Variants in KIF26B observed in about 807,000 individuals in gnomAD.
KIF26B encodes the protein kinesin-like protein KIF26B.
A neutral mutation model predicts 151.2 loss-of-function variants in KIF26B; 63 were observed. The ratio of observed to expected loss-of-function variants is 0.42; its 90% CI spans 0.34 to 0.51. The LOEUF (loss-of-function observed/expected upper bound fraction) is 0.51. Among genes scored for constraint, KIF26B ranks in the 20% least tolerant of loss-of-function variants. The pLI, the probability that KIF26B is intolerant of heterozygous loss-of-function variation, is 0.07. For synonymous variants in KIF26B, 1,357 were observed against 1,262.1 expected (o/e 1.08, Z -1.59); for missense variants, 2,813 against 2,913.6 (o/e 0.97, Z 0.79).
At chr1:245,298,361 C>T (rs1304847444) in intron 2 of KIF26B, among the ~76,000 whole-genome samples, 6 of 152,120 alleles carry the variant, frequency 3.9e-5, no homozygotes, top group Non-Finnish European at 7.3e-5. Context: ...CGTGCTATAG[C>T]GGTAACATGA....
At chr1:245,273,347 A>G (rs1670884031) in intron 2 of KIF26B, among the ~76,000 whole-genome samples, 1 of 151,410 alleles carries the variant, frequency 6.6e-6, no homozygotes, top group Non-Finnish European at 1.5e-5. Context: ...GAACCCAGGC[A>G]GCAGAGTTTG....
chr1:245,608,874 C>T (rs2043486452), intron 7 of KIF26B, among the ~76,000 whole-genome samples: 1 of 152,080 alleles, frequency 6.6e-6, no homozygotes, highest in Non-Finnish European at 1.5e-5. Flanking sequence ...GCCTCAGCTT[C>T]CCAAGTAGCT....
chr1:245,437,282 G>A (rs911529853), intron 4 of KIF26B, among the ~76,000 whole-genome samples: 4 of 152,138 alleles, frequency 2.6e-5, no homozygotes, highest in African/African-American at 7.2e-5. Flanking sequence ...CCGAGCTCCC[G>A]TGTTCCATCC....
chr1:245,585,888 A>G (rs551077750), intron 5 of KIF26B, among the ~76,000 whole-genome samples: 1 of 152,370 alleles, frequency 6.6e-6, no homozygotes, highest in South Asian at 2.1e-4. Context: ...CAATCCCTGC[A>G]GAAAACTCAT....
chr1:245,204,462 C>T (rs1056753757), intron 2 of KIF26B, among the ~76,000 whole-genome samples: 5 of 151,768 alleles, frequency 3.3e-5, no homozygotes, highest in African/African-American at 1.2e-4. Flanking sequence ...CAACATCCAT[C>T]TCCCAGGTTC....
At chr1:245,388,895 A>G (rs1445901661) in intron 3 of KIF26B, among the ~76,000 whole-genome samples, 1 of 152,222 alleles carries the variant, frequency 6.6e-6, no homozygotes, top group Non-Finnish European at 1.5e-5. Context: ...GCCTGAAGCC[A>G]GTCTCCTGTA....
At chr1:245,277,593 G>A (rs1670962030) in intron 2 of KIF26B, among the ~76,000 whole-genome samples, 1 of 152,114 alleles carries the variant, frequency 6.6e-6, no homozygotes, top group Non-Finnish European at 1.5e-5. Context: ...GTTATTTTTA[G>A]GGGGATTAAT....
At chr1:245,574,444 G>T (rs965723771) in intron 5 of KIF26B, among the ~76,000 whole-genome samples, 1 of 152,060 alleles carries the variant, frequency 6.6e-6, no homozygotes, top group Admixed American at 6.6e-5. Context: ...ATGCCTGACC[G>T]AGACCATTTA....
chr1:245,616,146 T>C (rs1177428224), intron 9 of KIF26B, among the ~76,000 whole-genome samples: 1 of 152,204 alleles, frequency 6.6e-6, no homozygotes, highest in African/African-American at 2.4e-5. Context: ...CACATATAAG[T>C]AGACAGACAA....
intron 2 of KIF26B, among the ~76,000 whole-genome samples, chr1:245,188,082 C>A (rs926630949): frequency 6.6e-6 from 1 of 152,004 alleles, no homozygotes; most frequent in Admixed American, 6.6e-5. Flanking sequence ...GAATTCGAGA[C>A]CTGCTTAGCC....
chr1:245,653,865 G>A (rs939730801), intron 10 of KIF26B, among the ~76,000 whole-genome samples: 1 of 151,390 alleles, frequency 6.6e-6, no homozygotes, highest in African/African-American at 2.4e-5. Context: ...TTTGAGACCA[G>A]TCTGAACAAC....
At chr1:245,494,312 A>AACAG (rs1660467695) in intron 4 of KIF26B, among the ~76,000 whole-genome samples, 1 of 151,664 alleles carries the variant, frequency 6.6e-6, no homozygotes, top group Admixed American at 6.6e-5. Flanking sequence ...GTCTCAAACA[A>AACAG]ACAAACAAAC....
At chr1:245,470,796 G>C (rs1404733315) in intron 4 of KIF26B, among the ~76,000 whole-genome samples, 1 of 151,996 alleles carries the variant, frequency 6.6e-6, no homozygotes, top group Non-Finnish European at 1.5e-5. Context: ...GCTAGGCTTC[G>C]GAATTCCCTG....
chr1:245,245,891 A>G (rs761878024), intron 2 of KIF26B, among the ~76,000 whole-genome samples: 2 of 146,540 alleles, frequency 1.4e-5, no homozygotes, highest in African/African-American at 5.1e-5. Context: ...ACACTACTAC[A>G]GTCCAGCCTG....
chr1:245,414,685 T>G (rs995319310), intron 3 of KIF26B, among the ~76,000 whole-genome samples: 4 of 152,224 alleles, frequency 2.6e-5, no homozygotes, highest in African/African-American at 9.6e-5. Context: ...TAGAAACACA[T>G]TTTGGAAGCT....
At chr1:245,553,848 A>G (rs1289212110) in intron 5 of KIF26B, among the ~76,000 whole-genome samples, 1 of 152,208 alleles carries the variant, frequency 6.6e-6, no homozygotes, top group African/African-American at 2.4e-5. Context: ...AGCACCAGAC[A>G]GTGACCACAG....
At chr1:245,269,657 G>A (rs956397120) in intron 2 of KIF26B, among the ~76,000 whole-genome samples, 1 of 151,900 alleles carries the variant, frequency 6.6e-6, no homozygotes, top group East Asian at 1.9e-4. Flanking sequence ...TAGAGATGGG[G>A]TTTCACTGTG....
chr1:245,157,995 T>C (rs1011476090), intron 2 of KIF26B, among the ~76,000 whole-genome samples: 4 of 152,182 alleles, frequency 2.6e-5, no homozygotes, highest in African/African-American at 9.7e-5. Flanking sequence ...GAGCTTAGAT[T>C]CTAGTGGAGG....
chr1:245,476,497 CATTTATTTATTTATTT>C (rs57100568), intron 4 of KIF26B, among the ~76,000 whole-genome samples: 2 of 142,640 alleles, frequency 1.4e-5, no homozygotes, highest in East Asian at 2.0e-4. Flanking sequence ...TTAAAAGACA[CATTTATTTATTTATTT>C]ATTTATTTAT....
Sources: gnomAD v4.1 joint callset for allele counts (sites outside exome capture counted in the v4.1 genomes callset) on GRCh38, gnomAD v4.1.1 for gene constraint, MANE v1.5 for transcripts, NCBI Gene and HGNC (gene_info 2026-07-23, HGNC 2026-07-21) for gene names.